The following HDX variants were observed in gnomAD, a reference collection of about 807,000 sequenced individuals.
The protein encoded by HDX is chromosome X open reading frame 43.
In HDX, 19 loss-of-function variants were observed where a neutral mutation model predicts 45.2. The ratio of observed to expected loss-of-function variants is 0.42; its 90% CI spans 0.29 to 0.62. The LOEUF (loss-of-function observed/expected upper bound fraction) is 0.62. Ranked by LOEUF, HDX falls within the 20% of genes least tolerant of loss-of-function variation. The pLI is 0.20. For synonymous variants in HDX, 188 were observed against 172.8 expected (o/e 1.09, Z -0.69); for missense variants, 532 against 493.9 (o/e 1.08, Z -0.73).
At chrX:84,490,753 T>A (rs939149391) in intron 1 of HDX, among the ~76,000 whole-genome samples, 1 of 111,111 alleles carries the variant, frequency 9.0e-6, no homozygotes, top group African/African-American at 3.2e-5. Context: ...TTAGGGTACA[T>A]GTGCACAACG....
intron 5 of HDX, among the ~76,000 whole-genome samples, chrX:84,437,529 C>G (rs997154913): frequency 1.8e-5 from 2 of 111,269 alleles, no homozygotes; most frequent in South Asian, 7.5e-4. Flanking sequence ...GTTCAACTTT[C>G]ATAACTTCTG....
At chrX:84,362,628 G>C (rs780012639) in intron 5 of HDX, among the ~76,000 whole-genome samples, 4 of 110,579 alleles carry the variant, frequency 3.6e-5, no homozygotes, top group Non-Finnish European at 7.6e-5. Context: ...GACAACTGTT[G>C]CAATTCCTGG....
intron 4 of HDX, among the ~76,000 whole-genome samples, chrX:84,463,551 A>C (rs1302460709): frequency 9.0e-6 from 1 of 111,477 alleles, no homozygotes. Context: ...TCTAAAATCC[A>C]TGAGAAATGG....
intron 5 of HDX, among the ~76,000 whole-genome samples, chrX:84,422,114 A>T (rs2039269561): frequency 8.9e-6 from 1 of 111,928 alleles, no homozygotes; most frequent in Non-Finnish European, 1.9e-5. Flanking sequence ...CACATGGATC[A>T]TTCTCAAGAA....
chrX:84,445,407 G>A (rs1023423569), intron 4 of HDX, among the ~76,000 whole-genome samples: 1 of 110,948 alleles, frequency 9.0e-6, no homozygotes, highest in Non-Finnish European at 1.9e-5. Flanking sequence ...TGCTTTAATA[G>A]GCAGAGTTTC....
intron 5 of HDX, among the ~76,000 whole-genome samples, chrX:84,420,007 G>A (rs1241111706): frequency 1.8e-5 from 2 of 111,587 alleles, no homozygotes; most frequent in Non-Finnish European, 3.8e-5. Context: ...CAACACCCAA[G>A]TCGTTTAAAA....
intron 4 of HDX, among the ~76,000 whole-genome samples, chrX:84,453,706 A>G (rs1381158853): frequency 3.6e-5 from 4 of 111,871 alleles, no homozygotes; most frequent in Non-Finnish European, 7.5e-5. Flanking sequence ...GCCAGTACAC[A>G]TGGGCTGCAT....
chrX:84,447,150 C>T (rs1009053140), intron 4 of HDX, among the ~76,000 whole-genome samples: 2 of 111,478 alleles, frequency 1.8e-5, no homozygotes, highest in African/African-American at 6.5e-5. Flanking sequence ...TGGAAGATGC[C>T]GGAATGACAC....
chrX:84,400,343 A>AACATC (rs1407320121), intron 5 of HDX, among the ~76,000 whole-genome samples: 1 of 109,705 alleles, frequency 9.1e-6, no homozygotes, highest in African/African-American at 3.3e-5. Flanking sequence ...GCTGATAAGC[A>AACATC]ACATCAGCGA....
intron 4 of HDX, among the ~76,000 whole-genome samples, chrX:84,441,221 A>G (rs749857087): frequency 8.1e-5 from 9 of 111,700 alleles, no homozygotes; most frequent in Non-Finnish European, 1.7e-4. Context: ...AAAACCATAG[A>G]TAAGGGAGGA....
chrX:84,473,805 G>GA (rs1000482617), intron 3 of HDX, among the ~76,000 whole-genome samples: 9 of 106,762 alleles, frequency 8.4e-5, no homozygotes, highest in Admixed American at 1.0e-4. Context: ...ATTACTGCAG[G>GA]AAAAAAAAAA....
intron 5 of HDX, among the ~76,000 whole-genome samples, chrX:84,409,315 C>T (rs907459107): frequency 2.7e-5 from 3 of 110,938 alleles, no homozygotes; most frequent in Non-Finnish European, 3.8e-5. Context: ...GTCAGTGTGG[C>T]GATTCCTCAG....
intron 4 of HDX, among the ~76,000 whole-genome samples, chrX:84,448,892 G>T (rs1460553340): frequency 9.2e-6 from 1 of 108,411 alleles, no homozygotes; most frequent in Non-Finnish European, 1.9e-5. Flanking sequence ...ATAATACAAA[G>T]AAATCAGAAA....
At chrX:84,471,080 A>G (rs2040446190) in intron 3 of HDX, among the ~76,000 whole-genome samples, 1 of 112,057 alleles carries the variant, frequency 8.9e-6, no homozygotes, top group Admixed American at 9.5e-5. Flanking sequence ...TTCAGAGTAT[A>G]TTTGTTTAAC....
intron 4 of HDX, among the ~76,000 whole-genome samples, chrX:84,451,092 T>C (rs2039986895): frequency 9.0e-6 from 1 of 111,310 alleles, no homozygotes; most frequent in African/African-American, 3.3e-5. Flanking sequence ...TTAGACAGAA[T>C]TGTATTAAAT....
intron 5 of HDX, among the ~76,000 whole-genome samples, chrX:84,382,094 G>T (rs2038203460): frequency 9.0e-6 from 1 of 111,388 alleles, no homozygotes; most frequent in Non-Finnish European, 1.9e-5. Context: ...ATATGAAAAG[G>T]TGCTCAACAT....
rs187849675 is a variant in HDX at position 84,323,792 on chromosome X, C to T, written c.1948-1778G>A. Among the ~76,000 whole-genome samples, 89 of 112,161 alleles carry T rather than the reference C, an allele frequency of 7.9e-4. 1 individual carries two copies. The East Asian group carries it at 0.022, about 27-fold the overall frequency. On this transcript the variant is annotated intron_variant, in intron 10 of 10. Coordinates refer to ENST00000373177, the MANE Select transcript of HDX (RefSeq NM_001177479.2). ...TTTTTCACAGATACTAACGTGAATA[C>T]GATTAACTTTCTTTATTACAAATGT...
intron 2 of HDX, among the ~76,000 whole-genome samples, chrX:84,481,284 T>A (rs140318963): frequency 0.021 from 2,367 of 111,641 alleles, 25 homozygotes; most frequent in Middle Eastern, 0.041. Flanking sequence ...AACTAGCTTT[T>A]AGTTTCATTA....
intron 4 of HDX, among the ~76,000 whole-genome samples, chrX:84,457,062 G>T (rs1381350936): frequency 2.7e-5 from 3 of 111,653 alleles, no homozygotes; most frequent in African/African-American, 6.5e-5. Context: ...TCCAGTGGCA[G>T]CAGAATACAC....
Sources: gnomAD v4.1 joint callset for allele counts (sites outside exome capture counted in the v4.1 genomes callset) on GRCh38, gnomAD v4.1.1 for gene constraint, MANE v1.5 for transcripts, NCBI Gene and HGNC (gene_info 2026-07-23, HGNC 2026-07-21) for gene names.